Variants in MNAT1 observed in about 807,000 individuals in gnomAD.
MNAT1 encodes the protein CDK-activating kinase assembly factor MAT1.
In MNAT1, 43 loss-of-function variants were observed where a neutral mutation model predicts 42.0. The ratio of observed to expected loss-of-function variants is 1.02; its 90% CI spans 0.80 to 1.32. The LOEUF is 1.32. Among genes scored for constraint, MNAT1 ranks in the 40% most tolerant of loss-of-function variants. MNAT1 has a pLI of 0.00. For synonymous variants in MNAT1, 118 were observed against 120.0 expected (o/e 0.98, Z 0.11); for missense variants, 306 against 350.4 (o/e 0.87, Z 1.01).
chr14:60,771,289 C>T (rs778073100), intron 1 of MNAT1, among the ~76,000 whole-genome samples: 19 of 151,978 alleles, frequency 1.3e-4, no homozygotes, highest in South Asian at 4.2e-4. Context: ...TTTTAAAATG[C>T]ATTTCCCTGA....
Position 60,902,774 on chromosome 14 carries a change from C to T in MNAT1, c.809+22939C>T, listed in dbSNP as rs565897153. Among the ~76,000 whole-genome samples the T allele has an allele frequency of 7.9e-5, 12 of 152,078 alleles. No individual in the cohort carries two copies. In the East Asian group the frequency reaches 2.1e-3, roughly 27 times the overall value. On this transcript the variant is annotated intron_variant, in intron 7 of 7. Coordinates refer to ENST00000261245, the MANE Select transcript of MNAT1 (RefSeq NM_002431.4). ...GGAAATTAATTTTCATTATATTCTA[C>T]TTTTGATGCTGTTGTGATAAAGTTT... is the stretch of plus-strand genomic sequence containing the variant.
At chr14:60,840,820 T>C (rs912492323) in intron 6 of MNAT1, among the ~76,000 whole-genome samples, 3 of 152,044 alleles carry the variant, frequency 2.0e-5, no homozygotes, top group Non-Finnish European at 2.9e-5. Context: ...TGTGCCACCA[T>C]ACCCGGCTAA....
At chr14:60,826,824 G>A (rs1000987092) in intron 6 of MNAT1, among the ~76,000 whole-genome samples, 3 of 151,674 alleles carry the variant, frequency 2.0e-5, no homozygotes, top group Non-Finnish European at 4.4e-5. Context: ...TTATGGTTAT[G>A]GTTACTATTC....
At chr14:60,788,996 T>C (rs983088679) in intron 1 of MNAT1, among the ~76,000 whole-genome samples, 10 of 152,318 alleles carry the variant, frequency 6.6e-5, no homozygotes, top group African/African-American at 1.7e-4. Flanking sequence ...CTTGGCTAAC[T>C]GGTGCAGTTG....
chr14:60,849,328 C>CA (rs2033763576), intron 6 of MNAT1, among the ~76,000 whole-genome samples: 1 of 152,068 alleles, frequency 6.6e-6, no homozygotes, highest in African/African-American at 2.4e-5. Context: ...CATTGCTTAA[C>CA]AATATATTTG....
rs946714818 is a variant in MNAT1, at chr14:60,968,577, C to T, written c.*228C>T. ...TTTTCAGAGGATTTGACACGATAAGCCTCATCTGATGGAAGAGAGGAATAA... is the reference window on the plus strand; with the variant it reads ...TTTTCAGAGGATTTGACACGATAAGTCTCATCTGATGGAAGAGAGGAATAA... On this transcript the variant is annotated 3_prime_UTR_variant, in exon 8 of 8. Transcript: ENST00000261245. 3.2e-6 allele frequency: 4 copies of T among 1,249,284 alleles called. No individual in the cohort carries two copies. The Admixed American group carries it at 8.7e-5, about 27-fold the overall frequency. The allele number at this position is 1,249,284 out of a possible 1,614,324, so 77.4% of individuals were successfully genotyped here. A position where few individuals can be genotyped will look rare whatever the true frequency, so the allele number is the denominator to read the frequency against.
chr14:60,735,258 T>G (rs1896271794), intron 1 of MNAT1, among the ~76,000 whole-genome samples: 1 of 152,222 alleles, frequency 6.6e-6, no homozygotes, highest in Non-Finnish European at 1.5e-5. Context: ...GCTCTGGACA[T>G]CGCTGATTAA....
intron 6 of MNAT1, among the ~76,000 whole-genome samples, chr14:60,844,567 C>G (rs1311765410): frequency 6.6e-6 from 1 of 151,920 alleles, no homozygotes; most frequent in African/African-American, 2.4e-5. Flanking sequence ...ATGAGCTTTT[C>G]TATTTTACTT....
At chr14:60,960,965 T>C (rs753967952) in intron 7 of MNAT1, among the ~76,000 whole-genome samples, 30 of 152,270 alleles carry the variant, frequency 2.0e-4, no homozygotes, top group Non-Finnish European at 3.7e-4. Flanking sequence ...CTTTTTTCTT[T>C]TTTTTTCTTT....
chr14:60,869,325 G>C (rs1328929651), intron 6 of MNAT1, among the ~76,000 whole-genome samples: 1 of 151,830 alleles, frequency 6.6e-6, no homozygotes, highest in East Asian at 1.9e-4. Flanking sequence ...ACAGGCGTGA[G>C]CCACTGCACC....
intron 1 of MNAT1, chr14:60,780,481 A>G: frequency 6.6e-7 from 1 of 1,521,798 alleles, no homozygotes; most frequent in South Asian, 1.1e-5. Context: ...AAAAATGGGA[A>G]GAGTCGGGAC....
chr14:60,830,811 T>A (rs527874440), intron 6 of MNAT1, among the ~76,000 whole-genome samples: 137 of 151,854 alleles, frequency 9.0e-4, no homozygotes, highest in African/African-American at 2.2e-3. Flanking sequence ...TTTTTTTTTT[T>A]AAATCACAGA....
chr14:60,939,206 G>C (rs997113084), intron 7 of MNAT1, among the ~76,000 whole-genome samples: 1 of 151,912 alleles, frequency 6.6e-6, no homozygotes, highest in African/African-American at 2.4e-5. Context: ...TTGATTTGTT[G>C]AAGGGTTTTT....
chr14:60,844,012 T>C (rs188574262), intron 6 of MNAT1, among the ~76,000 whole-genome samples: 2 of 152,168 alleles, frequency 1.3e-5, no homozygotes, highest in African/African-American at 4.8e-5. Context: ...GAACATTTAG[T>C]TGTATTTGTA....
chr14:60,884,195 C>T (rs2034611933), intron 7 of MNAT1, among the ~76,000 whole-genome samples: 1 of 151,982 alleles, frequency 6.6e-6, no homozygotes, highest in Non-Finnish European at 1.5e-5. Flanking sequence ...ATACTAGCTG[C>T]AGGTCTGTTA....
intron 1 of MNAT1, among the ~76,000 whole-genome samples, chr14:60,795,284 A>G (rs148360230): frequency 8.2e-4 from 125 of 152,206 alleles, no homozygotes; most frequent in African/African-American, 2.6e-3. Context: ...CCTCCCATCC[A>G]TCTTTGTAAC....
At chr14:60,937,463 G>A (rs1409488424) in intron 7 of MNAT1, among the ~76,000 whole-genome samples, 2 of 152,138 alleles carry the variant, frequency 1.3e-5, no homozygotes, top group Non-Finnish European at 2.9e-5. Flanking sequence ...AGTTTTCTCA[G>A]CACCATTTGT....
chr14:60,845,832 A>T (rs1566791698), intron 6 of MNAT1, among the ~76,000 whole-genome samples: 1 of 152,040 alleles, frequency 6.6e-6, no homozygotes, highest in East Asian at 1.9e-4. Flanking sequence ...TTTGTGCTTC[A>T]TCCTTGTTTT....
intron 7 of MNAT1, among the ~76,000 whole-genome samples, chr14:60,914,308 G>T (rs2035462404): frequency 6.6e-6 from 1 of 152,178 alleles, no homozygotes; most frequent in Admixed American, 6.5e-5. Flanking sequence ...TTCGGCTCAA[G>T]CACGGTGTAC....
Sources: allele counts gnomAD v4.1 joint callset (sites outside exome capture counted in the v4.1 genomes callset), GRCh38; gene constraint gnomAD v4.1.1; transcripts MANE v1.5; gene names NCBI Gene and HGNC (gene_info 2026-07-23, HGNC 2026-07-21).